Variants in SLC12A1 observed in about 807,000 individuals in gnomAD.
SLC12A1 encodes solute carrier family 12 member 1.
A neutral mutation model predicts 130.4 loss-of-function variants in SLC12A1; 89 were observed. The ratio of observed to expected loss-of-function variants is 0.68; its 90% CI spans 0.58 to 0.81. The LOEUF is 0.81. SLC12A1 is among the 40% of genes least tolerant of loss of function. The pLI is 0.00. For missense variants in SLC12A1, 1,310 were observed against 1,336.4 expected (o/e 0.98, Z 0.31); for synonymous variants, 499 against 460.0 (o/e 1.08, Z -1.09).
chr15:48,253,827 T>C (rs2041673552), intron 15 of SLC12A1, among the ~76,000 whole-genome samples: 1 of 152,262 alleles, frequency 6.6e-6, no homozygotes, highest in South Asian at 2.1e-4. Context: ...GCATGTATTA[T>C]TGCCAGATGA....
intron 13 of SLC12A1, among the ~76,000 whole-genome samples, chr15:48,248,241 G>A (rs188827416): frequency 6.6e-6 from 1 of 152,186 alleles, no homozygotes; most frequent in Non-Finnish European, 1.5e-5. Flanking sequence ...TTGAACTCAG[G>A]AAGGGACTAT....
At chr15:48,293,106 G>A (rs140857153) in intron 24 of SLC12A1, among the ~76,000 whole-genome samples, 497 of 152,182 alleles carry the variant, frequency 3.3e-3, no homozygotes, top group Non-Finnish European at 5.4e-3. Context: ...ACAGGCTTTC[G>A]CCATGTTGCC....
At chr15:48,266,273 T>C (rs2041830740) in intron 17 of SLC12A1, among the ~76,000 whole-genome samples, 1 of 152,180 alleles carries the variant, frequency 6.6e-6, no homozygotes, top group Non-Finnish European at 1.5e-5. Flanking sequence ...TAAAATCACA[T>C]CCGGGGCTTT....
Position 48,208,041 on chromosome 15 carries a change from G to A in SLC12A1, c.322G>A (p.Ala108Thr). 1 of 1,613,968 alleles carries A rather than the reference G, an allele frequency of 6.2e-7. No individual in the cohort carries two copies. Among genetic ancestry groups the A allele is most frequent in the East Asian group, 2.2e-5 (1 of 44,882 alleles). Residue 108 changes from alanine to threonine, a missense_variant, in exon 2 of 27, where the codon GCC becomes ACC. Physicochemically the swap from Ala to Thr is moderately conservative, Grantham distance 58. Coordinates refer to ENST00000380993, the MANE Select transcript of SLC12A1 (RefSeq NM_000338.3). Reference sequence around the variant, plus strand: ...AACTTTTGGCCACAACACCATGGATGCCGTTCCCAAGATAGAGTACTATCG... The same window carrying A: ...AACTTTTGGCCACAACACCATGGATACCGTTCCCAAGATAGAGTACTATCG... Reference protein sequence around the residue: ...LQTFGHNTMDAVPKIEYYRNT... With the variant: ...LQTFGHNTMDTVPKIEYYRNT...
chr15:48,301,396 C>G lies in SLC12A1; in HGVS notation c.3164+14C>G, dbSNP rs1273914124. 1 of 1,544,512 alleles carries G rather than the reference C, an allele frequency of 6.5e-7. No homozygotes were observed. Among genetic ancestry groups the G allele is most frequent in the East Asian group, 2.3e-5 (1 of 42,892 alleles). On this transcript the variant is annotated intron_variant, in intron 26 of 26. Transcript: ENST00000380993. ...TCTCATTGTCCTGTAAGTATCATTG[C>G]AAGCATTGAAGAACATTAGAAATAA...
In SLC12A1 at chr15:48,247,024, A is replaced by G. The variant is rs748830723; in HGVS notation, c.1560+8A>G. The G allele has an allele frequency of 1.3e-6, 2 of 1,592,752 alleles. No homozygotes were observed. The highest frequency in any genetic ancestry group is 4.5e-5 in the East Asian group (2 of 44,790). ...GCACCCAAAGTGTTCCAGGTAATAC[A>G]AGCACAACAGCTTGTGCTTCTCCCT... On this transcript the variant is annotated splice_region_variant and intron_variant, in intron 12 of 26. Transcript: ENST00000380993.
chr15:48,209,165 G>A (rs549317639), intron 2 of SLC12A1, among the ~76,000 whole-genome samples: 1 of 152,210 alleles, frequency 6.6e-6, no homozygotes, highest in East Asian at 1.9e-4. Flanking sequence ...GGGTTCAAGC[G>A]ATTCTTCTGC....
intron 17 of SLC12A1, among the ~76,000 whole-genome samples, chr15:48,266,542 C>A (rs2041833858): frequency 6.6e-6 from 1 of 151,656 alleles, no homozygotes; most frequent in African/African-American, 2.4e-5. Flanking sequence ...GGAGCAGCAG[C>A]ATCTGTTGCC....
chr15:48,233,810 A>G (rs373869735), intron 8 of SLC12A1, among the ~76,000 whole-genome samples: 1 of 151,178 alleles, frequency 6.6e-6, no homozygotes, highest in African/African-American at 2.4e-5. Flanking sequence ...CTCCCTTCCC[A>G]TTCCTACCAT....
intron 2 of SLC12A1, among the ~76,000 whole-genome samples, chr15:48,212,716 C>T (rs985319478): frequency 1.3e-4 from 19 of 151,908 alleles, no homozygotes; most frequent in African/African-American, 2.2e-4. Flanking sequence ...GACTTTCTAT[C>T]GAAGCCATGT....
At chr15:48,291,511 G>A (rs915612263) in intron 23 of SLC12A1, among the ~76,000 whole-genome samples, 1 of 152,172 alleles carries the variant, frequency 6.6e-6, no homozygotes, top group Non-Finnish European at 1.5e-5. Flanking sequence ...TCTGTTCCCT[G>A]TGACATAAAT....
In SLC12A1 at chr15:48,301,495, T is replaced by G. The variant is rs569072514; in HGVS notation, c.3164+113T>G. On this transcript the variant is annotated intron_variant, in intron 26 of 26. Transcript: ENST00000380993. ...GTGGGAATTTTGTTTTGTTTTTGTG[T>G]TTTTTTTGGGGGGGGGAACACGTGG... 1.6e-4 allele frequency: 83 copies of G among 509,698 alleles called. 1 individual carries two copies. The East Asian group carries it at 4.4e-3, about 27-fold the overall frequency. The allele number at this position is 509,698 out of a possible 1,614,324, so 31.6% of individuals were successfully genotyped here.
rs990124552 is a variant in SLC12A1 at position 48,218,173 on chromosome 15, T to G, written c.421-2461T>G. 2.2e-4 allele frequency among the ~76,000 whole-genome samples: 33 copies of G among 152,114 alleles called. 1 individual carries two copies. The highest frequency in any genetic ancestry group is 4.4e-5 in the Non-Finnish European group (3 of 68,028). On this transcript the variant is annotated intron_variant, in intron 2 of 26. Coordinates refer to ENST00000380993, the MANE Select transcript of SLC12A1 (RefSeq NM_000338.3). Reference sequence around the variant, plus strand: ...GCCTTTGGCTGGTACTGAGAAAAAGTAACCCACAATTTAGAATCATCCTAT... The same window carrying G: ...GCCTTTGGCTGGTACTGAGAAAAAGGAACCCACAATTTAGAATCATCCTAT...
chr15:48,226,911 A>C, intron 5 of SLC12A1: 1 of 611,298 alleles, frequency 1.6e-6, no homozygotes, highest in South Asian at 2.1e-5. Context: ...AACGTTTAGT[A>C]CATTTCAGGT....
chr15:48,217,261 A>G (rs527282924), intron 2 of SLC12A1, among the ~76,000 whole-genome samples: 1 of 152,230 alleles, frequency 6.6e-6, no homozygotes, highest in Non-Finnish European at 1.5e-5. Context: ...GTATATCTTT[A>G]AAATGTAAGG....
Position 48,255,881 on chromosome 15 carries a change from C to T in SLC12A1, c.2013C>T (p.Thr671=). The change falls in exon 16 of 27, where the codon ACC becomes ACT. Residue 671 remains threonine (T), a synonymous_variant. Coordinates refer to ENST00000380993, the MANE Select transcript of SLC12A1 (RefSeq NM_000338.3). ...VSALDNALEL[T]TVEDHVKNFR... ...CTTTAGACAATGCTCTGGAATTAAC[C>T]ACAGTGGAAGACCACGTAAAAAACT... The T allele has an allele frequency of 6.2e-7, 1 of 1,602,484 alleles. No individual in the cohort carries two copies. The highest frequency in any genetic ancestry group is 8.5e-7 in the Non-Finnish European group (1 of 1,174,252).
At chr15:48,230,316 T>G in intron 6 of SLC12A1, 77 bp from the exon 7 acceptor site, 1 of 839,040 alleles carries the variant, frequency 1.2e-6, no homozygotes. Context: ...TAGTATCTCT[T>G]TTTACTGTTA....
chr15:48,246,977 C>T lies in SLC12A1; in HGVS notation c.1521C>T (p.Ser507=), dbSNP rs756132175. 10 of 1,613,874 alleles carry T rather than the reference C, an allele frequency of 6.2e-6. No homozygotes were observed. The highest frequency in any genetic ancestry group is 2.2e-5 in the East Asian group (1 of 44,898). Residue 507 remains serine, a synonymous_variant, in exon 12 of 27, where the codon TCC becomes TCT. Transcript: ENST00000380993. ...TAGIFSATLS[S]ALASLVSAPK... Reference sequence around the variant, plus strand: ...GAATCTTTTCTGCAACACTCTCCTCCGCCCTGGCCTCCCTTGTCAGCGCAC... The same window carrying T: ...GAATCTTTTCTGCAACACTCTCCTCTGCCCTGGCCTCCCTTGTCAGCGCAC...
chr15:48,238,737 T>G (rs369634366), intron 9 of SLC12A1, among the ~76,000 whole-genome samples: 7 of 152,328 alleles, frequency 4.6e-5, no homozygotes, highest in African/African-American at 1.7e-4. Flanking sequence ...TTACACACTA[T>G]AGGATAGGAA....
Sources: allele counts gnomAD v4.1 joint callset (sites outside exome capture counted in the v4.1 genomes callset), GRCh38; gene constraint gnomAD v4.1.1; transcripts MANE v1.5; gene names NCBI Gene and HGNC (gene_info 2026-07-23, HGNC 2026-07-21).